The following SEMA3E variants were observed in gnomAD, a reference collection of about 807,000 sequenced individuals.
The protein encoded by SEMA3E is semaphorin 3E.
A neutral mutation model predicts 93.6 loss-of-function variants in SEMA3E; 49 were observed. The observed-to-expected ratio is 0.52, with a 90% CI of 0.42 to 0.66. The LOEUF (loss-of-function observed/expected upper bound fraction) is 0.66, where lower values mean the gene tolerates loss of function less well. SEMA3E is among the 30% of genes least tolerant of loss of function. SEMA3E has a pLI of 0.00. For missense variants in SEMA3E, 906 were observed against 964.8 expected, an observed-to-expected ratio of 0.94 and a Z score of 0.81; for synonymous variants, 363 against 330.7, an observed-to-expected ratio of 1.10 and a Z score of -1.06.
At position 83,573,033 on chromosome 7, in the gene SEMA3E, C is replaced by T. The variant is rs941284057; in HGVS notation, c.115+75395G>A. Among the ~76,000 whole-genome samples the T allele has an allele frequency of 4.6e-5, 7 of 152,124 alleles. No individual in the cohort carries two copies. The East Asian group carries it at 1.2e-3, about 25-fold the overall frequency. ...TTCAAGAGAAACAAAAATTGACAAGCGAGACTGAATCAAACTAAAGAACTT... is the reference window on the plus strand; with the variant it reads ...TTCAAGAGAAACAAAAATTGACAAGTGAGACTGAATCAAACTAAAGAACTT... On this transcript the variant is annotated intron_variant, in intron 1 of 16. Coordinates refer to ENST00000643230, the MANE Select transcript of SEMA3E (RefSeq NM_012431.3).
chr7:83,506,632 A>G (rs1790711064), intron 1 of SEMA3E, among the ~76,000 whole-genome samples: 1 of 152,202 alleles, frequency 6.6e-6, no homozygotes, highest in Non-Finnish European at 1.5e-5. Context: ...TAAGAAAATG[A>G]GAAAATATAA....
intron 1 of SEMA3E, among the ~76,000 whole-genome samples, chr7:83,599,755 A>C (rs928182776): frequency 6.6e-6 from 1 of 152,198 alleles, no homozygotes; most frequent in Non-Finnish European, 1.5e-5. Flanking sequence ...ATGGTGTTCC[A>C]ACCATGTTTT....
At chr7:83,589,225 ACTTT>A (rs1282302771) in intron 1 of SEMA3E, among the ~76,000 whole-genome samples, 2 of 151,810 alleles carry the variant, frequency 1.3e-5, no homozygotes, top group Non-Finnish European at 1.5e-5. Flanking sequence ...TACTCTCAAC[ACTTT>A]CTTTCTTCAG....
chr7:83,542,751 C>T (rs536592544), intron 1 of SEMA3E, among the ~76,000 whole-genome samples: 5 of 152,210 alleles, frequency 3.3e-5, no homozygotes, highest in African/African-American at 7.2e-5. Context: ...AGCTAAAATG[C>T]CATCTCTTGC....
chr7:83,633,203 C>T (rs1351940798), intron 1 of SEMA3E, among the ~76,000 whole-genome samples: 1 of 151,994 alleles, frequency 6.6e-6, no homozygotes, highest in Admixed American at 6.6e-5. Flanking sequence ...TCTCCCATGC[C>T]CCCTTCTTTA....
chr7:83,498,217 T>C (rs1156373269), intron 1 of SEMA3E, among the ~76,000 whole-genome samples: 1 of 152,154 alleles, frequency 6.6e-6, no homozygotes, highest in East Asian at 1.9e-4. Context: ...AGGCTATTAG[T>C]AATGTTTTCG....
rs372418577 is a variant in SEMA3E, at chr7:83,506,791, A to G, written c.116-16517T>C. Among the ~76,000 whole-genome samples the G allele has an allele frequency of 7.2e-5, 11 of 152,312 alleles. 1 individual carries two copies. Among genetic ancestry groups the G allele is most frequent in the African/African-American group, 7.2e-5 (3 of 41,574 alleles). On this transcript the variant is annotated intron_variant, in intron 1 of 16. Transcript: ENST00000643230. ...TTCCACACACACTGAGAACAAGAGA[A>G]TGGATGATAATTTTTTTAAAGTATG...
At position 83,385,250 on chromosome 7, in the gene SEMA3E, C is replaced by G. The variant is rs200744403; in HGVS notation, c.1875+44G>C. The G allele has an allele frequency of 1.5e-4, 240 of 1,604,452 alleles. 1 individual carries two copies. Among genetic ancestry groups the G allele is most frequent in the Non-Finnish European group, 2.0e-5 (23 of 1,172,532 alleles). ...AAATCATCTATTTACTGATCACACA[C>G]TATATGCAAAATACTATGTTTTGAA... On this transcript the variant is annotated intron_variant, in intron 16 of 16. Transcript: ENST00000643230.
chr7:83,424,944 T>A, intron 4 of SEMA3E: 1 of 269,466 alleles, frequency 3.7e-6, no homozygotes, highest in East Asian at 9.7e-5. Context: ...GGTAGCTGGA[T>A]CCCAGTCTCC....
At chr7:83,592,224 C>T (rs773970026) in intron 1 of SEMA3E, among the ~76,000 whole-genome samples, 2 of 151,558 alleles carry the variant, frequency 1.3e-5, no homozygotes, top group Non-Finnish European at 2.9e-5. Flanking sequence ...TCTTTTTTTG[C>T]TGTGAGAATT....
At chr7:83,430,244 C>A (rs979608283) in intron 4 of SEMA3E, among the ~76,000 whole-genome samples, 1 of 151,996 alleles carries the variant, frequency 6.6e-6, no homozygotes, top group Admixed American at 6.6e-5. Context: ...GCGGGTGGAT[C>A]ACTTGAGGCC....
At chr7:83,413,285 C>T (rs1788480749) in intron 5 of SEMA3E, among the ~76,000 whole-genome samples, 1 of 149,630 alleles carries the variant, frequency 6.7e-6, no homozygotes, top group African/African-American at 2.4e-5. Context: ...GAAAAATTCA[C>T]AGTAGTGTTT....
chr7:83,602,480 A>G (rs1793015636), intron 1 of SEMA3E, among the ~76,000 whole-genome samples: 1 of 120,854 alleles, frequency 8.3e-6, no homozygotes. Context: ...TGGCATTTAG[A>G]AGCACTTTTT....
intron 4 of SEMA3E, among the ~76,000 whole-genome samples, chr7:83,465,135 C>T (rs1789723486): frequency 6.6e-6 from 1 of 152,106 alleles, no homozygotes; most frequent in Admixed American, 6.6e-5. Flanking sequence ...AAGTCCTTCT[C>T]CTGGCTCATC....
intron 1 of SEMA3E, among the ~76,000 whole-genome samples, chr7:83,498,444 T>C (rs1790534446): frequency 6.6e-6 from 1 of 152,118 alleles, no homozygotes; most frequent in South Asian, 2.1e-4. Context: ...TAGAGATAAT[T>C]TTTTTCAAAC....
At chr7:83,539,097 A>T (rs1282869474) in intron 1 of SEMA3E, among the ~76,000 whole-genome samples, 1 of 152,150 alleles carries the variant, frequency 6.6e-6, no homozygotes, top group Non-Finnish European at 1.5e-5. Context: ...TTTTGTTTGG[A>T]AACATTCTAA....
intron 4 of SEMA3E, among the ~76,000 whole-genome samples, chr7:83,449,946 C>G (rs1237705119): frequency 6.6e-6 from 1 of 152,092 alleles, no homozygotes; most frequent in Non-Finnish European, 1.5e-5. Flanking sequence ...CCCAACAAAC[C>G]CATTTGGCAA....
At chr7:83,383,758 G>A (rs1421987738) in intron 16 of SEMA3E, among the ~76,000 whole-genome samples, 4 of 151,962 alleles carry the variant, frequency 2.6e-5, no homozygotes, top group African/African-American at 7.2e-5. Context: ...ATTTCCAAAT[G>A]AGGCAGATTA....
intron 1 of SEMA3E, among the ~76,000 whole-genome samples, chr7:83,583,622 A>G (rs1336491081): frequency 1.3e-5 from 2 of 152,108 alleles, no homozygotes; most frequent in Non-Finnish European, 2.9e-5. Flanking sequence ...TCACCCAATT[A>G]TAACAACCCC....
Sources: gnomAD v4.1 joint callset for allele counts (sites outside exome capture counted in the v4.1 genomes callset) on GRCh38, gnomAD v4.1.1 for gene constraint, MANE v1.5 for transcripts, NCBI Gene and HGNC (gene_info 2026-07-23, HGNC 2026-07-21) for gene names.